Variants in CLMN observed in about 807,000 individuals in gnomAD.
CLMN encodes the protein calmin.
CLMN carries 57 observed loss-of-function variants against 92.7 expected under a neutral mutation model. The observed-to-expected ratio is 0.61, with a 90% CI of 0.50 to 0.77. The LOEUF (loss-of-function observed/expected upper bound fraction) is 0.77. Ranked by LOEUF, CLMN falls within the 30% of genes least tolerant of loss-of-function variation. The pLI is 0.00. For synonymous variants in CLMN, 466 were observed against 470.6 expected (o/e 0.99, Z 0.13); for missense variants, 1,158 against 1,237.5 (o/e 0.94, Z 0.96).
chr14:95,231,196 T>TC (rs1366800157), intron 1 of CLMN, among the ~76,000 whole-genome samples: 2 of 148,190 alleles, frequency 1.3e-5, no homozygotes, highest in African/African-American at 4.9e-5. Flanking sequence ...CCTCTAACTT[T>TC]TTTTTTTTTT....
At chr14:95,230,245 T>C (rs1183001336) in intron 1 of CLMN, 112 bp from the exon 2 acceptor site, 2 of 977,976 alleles carry the variant, frequency 2.0e-6, no homozygotes, top group Non-Finnish European at 3.2e-6. Flanking sequence ...CCCCAGGGTG[T>C]CCCATGTAAG....
chr14:95,224,474 G>T (rs1897649645), intron 2 of CLMN, among the ~76,000 whole-genome samples: 2 of 151,996 alleles, frequency 1.3e-5, no homozygotes, highest in Admixed American at 1.3e-4. Context: ...GTAGAGATGG[G>T]GTTTCACCAT....
chr14:95,222,643 G>A (rs1897583644), intron 3 of CLMN: 2 of 452,870 alleles, frequency 4.4e-6, no homozygotes, highest in Non-Finnish European at 8.9e-6. Context: ...GCATAAACAA[G>A]GGACTAGAAG....
chr14:95,252,977 A>G (rs1472605597), intron 1 of CLMN, among the ~76,000 whole-genome samples: 1 of 152,178 alleles, frequency 6.6e-6, no homozygotes, highest in Non-Finnish European at 1.5e-5. Flanking sequence ...GAAGTATAAC[A>G]GTGTTCAGTG....
chr14:95,314,775 G>A (rs761205172), intron 1 of CLMN, among the ~76,000 whole-genome samples: 1 of 152,198 alleles, frequency 6.6e-6, no homozygotes, highest in African/African-American at 2.4e-5. Flanking sequence ...GTAATCAGGA[G>A]TGAACTCAAA....
At chr14:95,274,423 C>T (rs533419415) in intron 1 of CLMN, among the ~76,000 whole-genome samples, 5 of 152,232 alleles carry the variant, frequency 3.3e-5, no homozygotes, top group African/African-American at 9.6e-5. Context: ...CAGGCTGTGT[C>T]GTGTGTCAGC....
chr14:95,205,413 C>T (rs909440489), intron 8 of CLMN, among the ~76,000 whole-genome samples: 6 of 152,124 alleles, frequency 3.9e-5, no homozygotes, highest in African/African-American at 9.7e-5. Flanking sequence ...TCTAGAATAA[C>T]TAATCTGTGC....
chr14:95,305,275 A>T (rs1901229564), intron 1 of CLMN, among the ~76,000 whole-genome samples: 1 of 152,218 alleles, frequency 6.6e-6, no homozygotes, highest in Non-Finnish European at 1.5e-5. Context: ...AAAGCTAGTA[A>T]GCGGCAGAGC....
At chr14:95,302,585 T>C (rs1356243856) in intron 1 of CLMN, among the ~76,000 whole-genome samples, 1 of 152,204 alleles carries the variant, frequency 6.6e-6, no homozygotes, top group Non-Finnish European at 1.5e-5. Context: ...ATTAATGAGA[T>C]TGACCACCAA....
intron 1 of CLMN, among the ~76,000 whole-genome samples, chr14:95,253,109 C>T (rs28627724): frequency 0.021 from 3,218 of 152,272 alleles, 135 homozygotes; most frequent in African/African-American, 0.074. Flanking sequence ...ATTTGGCAAA[C>T]TCCAGGCATC....
chr14:95,252,503 A>C (rs1010019818), intron 1 of CLMN, among the ~76,000 whole-genome samples: 7 of 152,302 alleles, frequency 4.6e-5, no homozygotes, highest in African/African-American at 1.7e-4. Context: ...CGAGTAGCTG[A>C]GAGACATCTG....
At chr14:95,261,105 A>G (rs951099035) in intron 1 of CLMN, among the ~76,000 whole-genome samples, 1 of 151,894 alleles carries the variant, frequency 6.6e-6, no homozygotes, top group Non-Finnish European at 1.5e-5. Context: ...TTTTCTCCGC[A>G]AGGAACGTCA....
intron 1 of CLMN, among the ~76,000 whole-genome samples, chr14:95,287,845 C>G (rs1900401295): frequency 6.6e-6 from 1 of 152,176 alleles, no homozygotes; most frequent in Non-Finnish European, 1.5e-5. Context: ...AGAGAGGCTC[C>G]TAGCCAGCTA....
intron 1 of CLMN, among the ~76,000 whole-genome samples, chr14:95,312,960 C>T (rs184275175): frequency 2.0e-5 from 3 of 152,320 alleles, no homozygotes; most frequent in African/African-American, 7.2e-5. Context: ...AATCCCAGTA[C>T]TTTGGGAGGC....
In CLMN at chr14:95,191,077, C is replaced by G. The variant is rs1013285983; in HGVS notation, c.*487G>C. The G allele has an allele frequency of 6.5e-6, 1 of 152,682 alleles. No individual in the cohort carries two copies. Among genetic ancestry groups the G allele is most frequent in the Non-Finnish European group, 1.5e-5 (1 of 68,418 alleles). 9.5% of individuals were successfully genotyped at this position (152,682 alleles called of 1,614,324 possible). On this transcript the variant is annotated 3_prime_UTR_variant, in exon 13 of 13. Transcript: ENST00000298912. This position sits in a 1 kb window ranked among gnomAD's most constrained non-coding sequence, Gnocchi z 5.3. Reference sequence around the variant, plus strand: ...CGGACTGCGACAGGTGCATGGACCCCAGCACCTTCTCTCAAACACCCACGC... The same window carrying G: ...CGGACTGCGACAGGTGCATGGACCCGAGCACCTTCTCTCAAACACCCACGC...
chr14:95,243,718 TA>T (rs1474256664), intron 1 of CLMN, among the ~76,000 whole-genome samples: 2 of 75,928 alleles, frequency 2.6e-5, no homozygotes, highest in African/African-American at 8.1e-5. Flanking sequence ...TAATCTCCTC[TA>T]TTTTTTTTTT....
At chr14:95,310,626 T>A (rs941569) in intron 1 of CLMN, among the ~76,000 whole-genome samples, 2,610 of 152,318 alleles carry the variant, frequency 0.017, 76 homozygotes, top group African/African-American at 0.058. Flanking sequence ...GGACAAAGAT[T>A]CGTGCACCTC....
At chr14:95,258,600 G>A (rs1204690650) in intron 1 of CLMN, among the ~76,000 whole-genome samples, 2 of 148,600 alleles carry the variant, frequency 1.3e-5, no homozygotes, top group South Asian at 4.3e-4. Flanking sequence ...GTATGTATCT[G>A]TGGTATATGT....
intron 1 of CLMN, among the ~76,000 whole-genome samples, chr14:95,303,235 C>A (rs759114486): frequency 4.6e-5 from 7 of 152,256 alleles, no homozygotes; most frequent in Non-Finnish European, 1.0e-4. Flanking sequence ...AGGACTCCAA[C>A]ACCAAACAAT....
Sources: gnomAD v4.1 joint callset for allele counts (sites outside exome capture counted in the v4.1 genomes callset) on GRCh38, gnomAD v4.1.1 for gene constraint, Gnocchi (gnomAD v3.1) non-coding constraint, MANE v1.5 for transcripts, NCBI Gene and HGNC (gene_info 2026-07-23, HGNC 2026-07-21) for gene names.